RABL3: variants seen among roughly 807,000 people sequenced by gnomAD.
RABL3 encodes the protein RAB, member of RAS oncogene family like 3, also known as rab-like protein 3.
A neutral mutation model predicts 31.8 loss-of-function variants in RABL3; 31 were observed. The observed-to-expected ratio is 0.97, with a 90% CI of 0.73 to 1.31. The LOEUF is 1.31. Among genes scored for constraint, RABL3 ranks in the 40% most tolerant of loss-of-function variants. RABL3 has a pLI of 0.00. For synonymous variants in RABL3, 97 were observed against 99.9 expected (o/e 0.97, Z 0.18); for missense variants, 263 against 279.6 (o/e 0.94, Z 0.42).
intron 2 of RABL3, among the ~76,000 whole-genome samples, chr3:120,712,597 C>G (rs1332114573): frequency 6.6e-6 from 1 of 152,110 alleles, no homozygotes; most frequent in Non-Finnish European, 1.5e-5. Context: ...CTATTTGCTT[C>G]CATAGCATCC....
In RABL3 at chr3:120,742,428, G is replaced by T. The variant is rs201253109; in HGVS notation, c.46+34C>A. 88 of 1,608,244 alleles carry T rather than the reference G, an allele frequency of 5.5e-5. 1 individual carries two copies. The South Asian group carries it at 8.4e-4, about 15-fold the overall frequency. ...GAGGGTTACTGGGTAACTCAAAAGT[G>T]TCTGGAGCCCCAGAGGTAGGGTAAG... On this transcript the variant is annotated intron_variant, in intron 1 of 7. Coordinates refer to ENST00000273375, the MANE Select transcript of RABL3 (RefSeq NM_173825.5).
rs181690929 is a variant in RABL3, at chr3:120,697,452, T to C, written c.534+971A>G. Among the ~76,000 whole-genome samples the C allele has an allele frequency of 2.0e-5, 3 of 152,346 alleles. No individual in the cohort carries two copies. The East Asian group carries it at 5.8e-4, about 29-fold the overall frequency. ...TAAGTGCTCAATAAATGTTGCTCAC[T>C]AGTACTATTACACCACCACCACTGC... On this transcript the variant is annotated intron_variant, in intron 5 of 7. Coordinates refer to ENST00000273375, the MANE Select transcript of RABL3 (RefSeq NM_173825.5).
At chr3:120,732,567 T>C (rs1708898688) in intron 1 of RABL3, among the ~76,000 whole-genome samples, 1 of 152,176 alleles carries the variant, frequency 6.6e-6, no homozygotes, top group Non-Finnish European at 1.5e-5. Flanking sequence ...ATTTATTTGT[T>C]TATTTTATTA....
intron 5 of RABL3, among the ~76,000 whole-genome samples, chr3:120,697,694 T>C (rs375875681): frequency 6.6e-6 from 1 of 152,228 alleles, no homozygotes. Flanking sequence ...TTAGTCCTTA[T>C]GAAGCACTCC....
At chr3:120,735,638 G>C (rs939919035) in intron 1 of RABL3, among the ~76,000 whole-genome samples, 2 of 151,976 alleles carry the variant, frequency 1.3e-5, no homozygotes, top group Admixed American at 6.6e-5. Context: ...TGTGATGTTA[G>C]GGTGTCAGTT....
At chr3:120,702,107 G>A (rs981298726) in intron 4 of RABL3, among the ~76,000 whole-genome samples, 1 of 152,346 alleles carries the variant, frequency 6.6e-6, no homozygotes, top group African/African-American at 2.4e-5. Flanking sequence ...CTTGGAGATA[G>A]TGTAGAAATA....
chr3:120,720,025 A>C (rs1376261921), intron 2 of RABL3, among the ~76,000 whole-genome samples: 1 of 152,196 alleles, frequency 6.6e-6, no homozygotes, highest in African/African-American at 2.4e-5. Flanking sequence ...TTTGCTGTTC[A>C]CCAATATCCG....
At chr3:120,715,564 AAAAG>A (rs1204606614) in intron 2 of RABL3, among the ~76,000 whole-genome samples, 3 of 152,108 alleles carry the variant, frequency 2.0e-5, no homozygotes, top group African/African-American at 7.2e-5. Context: ...AATAAATAAA[AAAAG>A]AAAGAACGAA....
intron 2 of RABL3, among the ~76,000 whole-genome samples, chr3:120,727,497 C>T (rs1382193630): frequency 6.6e-6 from 1 of 151,944 alleles, no homozygotes; most frequent in African/African-American, 2.4e-5. Flanking sequence ...GATGGTTTCA[C>T]CTGTGAATTC....
chr3:120,706,925 G>A (rs1708556281), intron 3 of RABL3, among the ~76,000 whole-genome samples: 1 of 152,114 alleles, frequency 6.6e-6, no homozygotes, highest in South Asian at 2.1e-4. Context: ...ATCCTAGATA[G>A]AAAGGAAAAT....
chr3:120,732,408 T>C (rs1708895517), intron 1 of RABL3, among the ~76,000 whole-genome samples: 1 of 152,210 alleles, frequency 6.6e-6, no homozygotes. Context: ...AACACATTAT[T>C]ACATGTGTTT....
At chr3:120,735,056 C>T (rs899118893) in intron 1 of RABL3, among the ~76,000 whole-genome samples, 4 of 152,148 alleles carry the variant, frequency 2.6e-5, no homozygotes, top group Non-Finnish European at 4.4e-5. Context: ...ATGCTGGCCT[C>T]GTAAAATGAG....
chr3:120,736,684 C>T (rs1246669066), intron 1 of RABL3, among the ~76,000 whole-genome samples: 1 of 152,200 alleles, frequency 6.6e-6, no homozygotes, highest in Non-Finnish European at 1.5e-5. Context: ...TTGTTCCTTT[C>T]CATGTTTAGT....
chr3:120,731,963 G>A (rs1708888865), intron 1 of RABL3, among the ~76,000 whole-genome samples: 1 of 152,134 alleles, frequency 6.6e-6, no homozygotes, highest in Non-Finnish European at 1.5e-5. Flanking sequence ...GCAGGCTGAG[G>A]CAGGATGATC....
At chr3:120,696,628 C>T (rs972708156) in intron 5 of RABL3, among the ~76,000 whole-genome samples, 2 of 144,582 alleles carry the variant, frequency 1.4e-5, no homozygotes, top group African/African-American at 2.6e-5. Flanking sequence ...CACACACACA[C>T]ATGCACGCGA....
chr3:120,735,141 C>G (rs546308735), intron 1 of RABL3, among the ~76,000 whole-genome samples: 1 of 152,290 alleles, frequency 6.6e-6, no homozygotes, highest in African/African-American at 2.4e-5. Flanking sequence ...CCTTGTACCT[C>G]TGGTAGAATT....
chr3:120,694,337 A>T, intron 5 of RABL3, 113 bp from the exon 6 acceptor site: 2 of 617,748 alleles, frequency 3.2e-6, no homozygotes, highest in Non-Finnish European at 5.9e-6. Flanking sequence ...TAGGCACAAT[A>T]CTCTCACAAA....
intron 3 of RABL3, among the ~76,000 whole-genome samples, chr3:120,707,670 C>G (rs1448066932): frequency 6.6e-6 from 1 of 151,990 alleles, no homozygotes; most frequent in African/African-American, 2.4e-5. Context: ...TCCTTTTCCC[C>G]AGGCTATAAA....
chr3:120,723,784 T>G (rs1188696023), intron 2 of RABL3, among the ~76,000 whole-genome samples: 1 of 152,124 alleles, frequency 6.6e-6, no homozygotes, highest in Non-Finnish European at 1.5e-5. Flanking sequence ...AATTAGGTAT[T>G]GATGGGACAT....
Sources: allele counts gnomAD v4.1 joint callset (sites outside exome capture counted in the v4.1 genomes callset), GRCh38; gene constraint gnomAD v4.1.1; transcripts MANE v1.5; gene names NCBI Gene and HGNC (gene_info 2026-07-23, HGNC 2026-07-21).